DDX4: variants seen among roughly 807,000 people sequenced by gnomAD.
DDX4 encodes the protein DEAD-box helicase 4, also known as probable ATP-dependent RNA helicase DDX4.
DDX4 carries 25 observed loss-of-function variants against 100.0 expected under a neutral mutation model. That is an observed-to-expected ratio of 0.25 (90% CI 0.18 to 0.35). DDX4 has a LOEUF of 0.35. Among genes scored for constraint, DDX4 ranks in the 10% least tolerant of loss-of-function variants. The pLI is 1.00. For synonymous variants in DDX4, 259 were observed against 275.7 expected (o/e 0.94, Z 0.60); for missense variants, 635 against 882.4 (o/e 0.72, Z 3.55).
At chr5:55,781,402 TA>T (rs1012964096) in intron 9 of DDX4, among the ~76,000 whole-genome samples, 1 of 152,178 alleles carries the variant, frequency 6.6e-6, no homozygotes, top group African/African-American at 2.4e-5. Context: ...GATTCTGAGT[TA>T]GGGGAAAAGG....
intron 18 of DDX4, among the ~76,000 whole-genome samples, chr5:55,809,233 G>C (rs1442211025): frequency 6.6e-6 from 1 of 152,206 alleles, no homozygotes; most frequent in African/African-American, 2.4e-5. Context: ...CTTTGACTAG[G>C]AAAGGGAATT....
At chr5:55,801,217 T>TG (rs375427760) in intron 18 of DDX4, among the ~76,000 whole-genome samples, 17,912 of 143,576 alleles carry the variant, frequency 0.12, 1,130 homozygotes, top group Middle Eastern at 0.16. Flanking sequence ...GATGGGGTGT[T>TG]TTTTTTTTTT....
chr5:55,768,964 AGTT>A (rs1004422917), intron 7 of DDX4, among the ~76,000 whole-genome samples: 3 of 151,784 alleles, frequency 2.0e-5, no homozygotes, highest in Non-Finnish European at 4.4e-5. Context: ...TTTTTAACGG[AGTT>A]GTTTGTTTTT....
rs1019589550 is a variant in DDX4 at position 55,777,686 on chromosome 5, C to T, written c.395-2278C>T. On this transcript the variant is annotated intron_variant, in intron 7 of 21. Transcript: ENST00000505374. ...ATGGGTTGACAGGTGCAGCAAACTA[C>T]CATAGCACACGTTTACCTATGTAAC... 3 of 152,164 alleles carry T rather than the reference C, an allele frequency of 2.0e-5. No homozygotes were observed. The East Asian group carries it at 5.8e-4, about 29-fold the overall frequency. 9.4% of individuals were successfully genotyped at this position (152,164 alleles called of 1,614,324 possible).
intron 19 of DDX4, 82 bp from the exon 20 acceptor site, chr5:55,814,819 A>C (rs1422222606): frequency 3.2e-5 from 47 of 1,476,286 alleles, no homozygotes; most frequent in Non-Finnish European, 4.0e-5. Context: ...ATTATTAAAA[A>C]GAAATTTGTA....
chr5:55,765,866 A>G (rs1740888481), intron 6 of DDX4, among the ~76,000 whole-genome samples: 1 of 152,064 alleles, frequency 6.6e-6, no homozygotes. Flanking sequence ...GTGCAGTGGT[A>G]CAGTCTTGGC....
chr5:55,785,568 CAA>C lies in DDX4; in HGVS notation c.721+76_721+77del, dbSNP rs1184415796. The C allele has an allele frequency of 2.2e-6, 3 of 1,361,846 alleles. No individual in the cohort carries two copies. The African/African-American group carries it at 4.4e-5, about 20-fold the overall frequency. 84.4% of individuals were successfully genotyped at this position (1,361,846 alleles called of 1,614,324 possible). A position where few individuals can be genotyped will look rare whatever the true frequency, so the allele number is the denominator to read the frequency against. On this transcript the variant is annotated intron_variant, in intron 12 of 21. Coordinates refer to ENST00000505374, the MANE Select transcript of DDX4 (RefSeq NM_024415.3). ...AATGCTTAAGTATTTTACTTAAAAACAAAGTTATCTTTTAAAAATTTGAACAG... is the reference window on the plus strand; with the variant it reads ...AATGCTTAAGTATTTTACTTAAAAACAGTTATCTTTTAAAAATTTGAACAG...
chr5:55,800,882 T>C (rs988592929), intron 18 of DDX4, among the ~76,000 whole-genome samples: 4 of 152,218 alleles, frequency 2.6e-5, no homozygotes, highest in Non-Finnish European at 5.9e-5. Context: ...TTCATATGAT[T>C]TATCTCCTTT....
intron 17 of DDX4, among the ~76,000 whole-genome samples, chr5:55,795,100 G>C (rs1381559823): frequency 6.6e-6 from 1 of 151,866 alleles, no homozygotes; most frequent in Non-Finnish European, 1.5e-5. Context: ...TGAGTGGCTG[G>C]GATTACAGGC....
chr5:55,786,558 A>G lies in DDX4; in HGVS notation c.905A>G (p.Asn302Ser), dbSNP rs1742261152. 3 of 1,613,298 alleles carry G rather than the reference A, an allele frequency of 1.9e-6. No homozygotes were observed. Among genetic ancestry groups the G allele is most frequent in the African/African-American group, 1.3e-5 (1 of 74,916 alleles). Residue 302 changes from asparagine to serine, a missense_variant, in exon 14 of 22, where the codon AAC becomes AGC. Around this residue, in one of 4 missense-constraint regions of DDX4, gnomAD observed 446 missense variants for 540.8 expected, o/e 0.82. Transcript: ENST00000505374. ...EANLCQTLNN[N>S]IAKAGYTKLT... ...AATCTCTGTCAGACACTGAATAACA[A>G]CATTGCTAAAGCTGGTTATACTAAG...
intron 4 of DDX4, among the ~76,000 whole-genome samples, chr5:55,762,401 T>A (rs1421127114): frequency 6.6e-6 from 1 of 152,094 alleles, no homozygotes; most frequent in African/African-American, 2.4e-5. Context: ...TAGTATGCTG[T>A]GGGAATGTGG....
chr5:55,772,275 T>C (rs1466717155), intron 7 of DDX4, among the ~76,000 whole-genome samples: 1 of 152,212 alleles, frequency 6.6e-6, no homozygotes, highest in Non-Finnish European at 1.5e-5. Flanking sequence ...GGAATCAATA[T>C]ACATTTTTTT....
chr5:55,756,062 GATGT>G (rs1759910211), intron 3 of DDX4, among the ~76,000 whole-genome samples: 1 of 152,084 alleles, frequency 6.6e-6, no homozygotes, highest in Non-Finnish European at 1.5e-5. Context: ...GTTATTTGTG[GATGT>G]ATGATATTCC....
At chr5:55,775,381 G>T (rs180732398) in intron 7 of DDX4, among the ~76,000 whole-genome samples, 2 of 152,122 alleles carry the variant, frequency 1.3e-5, no homozygotes, top group African/African-American at 2.4e-5. Flanking sequence ...TTGAGTTGCC[G>T]GGAGATGGAA....
intron 15 of DDX4, among the ~76,000 whole-genome samples, chr5:55,788,389 T>C (rs1316883426): frequency 1.3e-5 from 2 of 152,144 alleles, no homozygotes; most frequent in Non-Finnish European, 2.9e-5. Flanking sequence ...GGCAGAAGGA[T>C]TGTTTGAGTC....
intron 14 of DDX4, 61 bp from the exon 15 acceptor site, chr5:55,787,785 C>G: frequency 6.4e-7 from 1 of 1,550,794 alleles, no homozygotes; most frequent in Middle Eastern, 1.8e-4. Context: ...TGAGGATTAG[C>G]TTTCCATAGG....
At chr5:55,746,082 A>C (rs1335104064) in intron 2 of DDX4, 82 bp from the exon 3 acceptor site, 2 of 1,088,818 alleles carry the variant, frequency 1.8e-6, no homozygotes. Flanking sequence ...CTCAATTGTT[A>C]TAATTTTCTA....
intron 7 of DDX4, among the ~76,000 whole-genome samples, chr5:55,769,718 G>A (rs1306530469): frequency 6.6e-6 from 1 of 152,100 alleles, no homozygotes; most frequent in Non-Finnish European, 1.5e-5. Context: ...ACAATCCCAA[G>A]CACAAAGAAC....
At position 55,785,480 on chromosome 5, in the gene DDX4, G is replaced by A; in HGVS notation, c.707G>A (p.Ser236Asn). 1.9e-6 allele frequency: 3 copies of A among 1,605,594 alleles called. No individual in the cohort carries two copies. Among genetic ancestry groups the A allele is most frequent in the East Asian group, 2.2e-5 (1 of 44,756 alleles). ...AAGTCAGAAGCAGAAGGAGGAGAAA[G>A]TAGTGATACTCAAGGTATATTAACA... Reference protein sequence around the residue: ...SWKSEAEGGESSDTQGPKVTY... With the variant: ...SWKSEAEGGENSDTQGPKVTY... Residue 236 changes from serine (S) to asparagine (N), a missense_variant, in exon 12 of 22, where the codon AGT becomes AAT. Transcript: ENST00000505374.
Sources: gnomAD v4.1 joint callset for allele counts (sites outside exome capture counted in the v4.1 genomes callset) on GRCh38, gnomAD v4.1.1 for gene constraint, gnomAD v4.1.1 regional missense constraint, MANE v1.5 for transcripts, NCBI Gene and HGNC (gene_info 2026-07-23, HGNC 2026-07-21) for gene names.